RPL31: variants seen among roughly 807,000 people sequenced by gnomAD.
RPL31 encodes the protein large ribosomal subunit protein eL31.
For synonymous variants in RPL31, 51 were observed against 55.0 expected, an observed-to-expected ratio of 0.93 and a Z score of 0.32; for missense variants, 95 against 164.0, an observed-to-expected ratio of 0.58 and a Z score of 2.30.
chr2:101,012,627 A>C (rs201673463), intron 4 of RPL31, among the ~76,000 whole-genome samples: 2 of 75,232 alleles, frequency 2.7e-5, no homozygotes, highest in African/African-American at 4.4e-5. Context: ...TGAATATACA[A>C]AAAAAAAAAA....
intron 3 of RPL31, chr2:101,004,585 T>A: frequency 2.5e-6 from 1 of 404,108 alleles, no homozygotes; most frequent in Non-Finnish European, 4.4e-6. Context: ...GTGGAATAAA[T>A]CACTGTGAGC....
At chr2:101,013,360 T>C (rs956571688) in intron 4 of RPL31, among the ~76,000 whole-genome samples, 3 of 152,230 alleles carry the variant, frequency 2.0e-5, no homozygotes, top group African/African-American at 7.2e-5. Flanking sequence ...ATCCTTTCAA[T>C]CTTTTTACAT....
chr2:101,018,364 T>G (rs966577665), intron 4 of RPL31: 1 of 157,892 alleles, frequency 6.3e-6, no homozygotes, highest in African/African-American at 2.4e-5. Context: ...TAAGTGCTTT[T>G]TTTTAAAAAG....
intron 1 of RPL31, 185 bp from the exon 2 acceptor site, chr2:101,002,517 T>A: frequency 3.2e-6 from 2 of 616,840 alleles, no homozygotes. Context: ...CGGCAGGGAT[T>A]TCCGGGTCGG....
intron 4 of RPL31, among the ~76,000 whole-genome samples, chr2:101,012,519 GAA>G (rs1182936136): frequency 1.3e-5 from 2 of 151,970 alleles, no homozygotes; most frequent in Non-Finnish European, 2.9e-5. Context: ...TACGGCTGGG[GAA>G]AATGGATACA....
downstream of RPL31, chr2:101,007,551 ACAG>A (rs1678819036): frequency 4.6e-6 from 2 of 432,408 alleles, no homozygotes; most frequent in Non-Finnish European, 8.3e-6. Flanking sequence ...CACTAGCATC[ACAG>A]CAGAAGTGCC....
chr2:101,003,741 A>G (rs1291285393), intron 2 of RPL31, among the ~76,000 whole-genome samples: 1 of 152,260 alleles, frequency 6.6e-6, no homozygotes, highest in Non-Finnish European at 1.5e-5. Flanking sequence ...CTCTTTAAGC[A>G]TAGATGAAGT....
exon 5 of RPL31, chr2:101,019,178 T>C: frequency 1.7e-6 from 2 of 1,176,572 alleles, no homozygotes; most frequent in Admixed American, 2.4e-5. Context: ...AGGCCTGTTC[T>C]ACACGGCCGG....
chr2:101,012,540 G>A (rs1409843722), intron 4 of RPL31, among the ~76,000 whole-genome samples: 2 of 152,084 alleles, frequency 1.3e-5, no homozygotes, highest in South Asian at 2.1e-4. Context: ...CACTGGTAGT[G>A]AGAGCTAAAG....
exon 5 of RPL31, chr2:101,019,077 G>T: frequency 6.3e-7 from 1 of 1,591,460 alleles, no homozygotes; most frequent in Non-Finnish European, 8.6e-7. Context: ...CTTGGGTCTC[G>T]GCTCTTCATT....
downstream of RPL31, chr2:101,008,048 T>G: frequency 6.2e-7 from 1 of 1,613,880 alleles, no homozygotes; most frequent in Non-Finnish European, 8.5e-7. Context: ...TCCTGGGGCG[T>G]CTTCCCAGTG....
rs1437729544 is a variant in RPL31 at position 101,006,559 on chromosome 2, A to G, written c.*178A>G. 1.8e-6 allele frequency: 1 copy of G among 566,432 alleles called. No homozygotes were observed. The allele number at this position is 566,432 out of a possible 1,614,324, so 35.1% of individuals were successfully genotyped here. ...TCCCCTGGGGTTTTAAAGTGATTTC[A>G]AACTGCAACCTAGTTTTAGAACCAC... On this transcript the variant is annotated 3_prime_UTR_variant, in exon 5 of 5. Transcript: ENST00000264258.
At chr2:101,009,606 T>A (rs1391829390), downstream of RPL31, among the ~76,000 whole-genome samples, 4 of 152,032 alleles carry the variant, frequency 2.6e-5, no homozygotes, top group Non-Finnish European at 5.9e-5. Flanking sequence ...GTTTAACTCA[T>A]TTTGATCATA....
chr2:101,006,179 C>A, intron 4 of RPL31, 108 bp downstream of exon 4: 1 of 1,515,876 alleles, frequency 6.6e-7, no homozygotes, highest in Non-Finnish European at 8.8e-7. Context: ...TCATTGTACC[C>A]TTTTTAAATT....
intron 1 of RPL31, 147 bp from the exon 2 acceptor site, chr2:101,002,555 G>A (rs1253348761): frequency 3.0e-6 from 2 of 659,812 alleles, no homozygotes; most frequent in African/African-American, 1.8e-5. Context: ...AGGGGCGCGG[G>A]TGCGTGGGCC....
chr2:101,011,868 T>G (rs1389047968), downstream of RPL31, among the ~76,000 whole-genome samples: 1 of 152,224 alleles, frequency 6.6e-6, no homozygotes, highest in South Asian at 2.1e-4. Flanking sequence ...AACTGAAATA[T>G]ATCCATGCAC....
chr2:101,017,966 T>C, intron 4 of RPL31: 2 of 1,546,198 alleles, frequency 1.3e-6, no homozygotes, highest in Non-Finnish European at 1.7e-6. Flanking sequence ...GAAAAGTCAT[T>C]ATAGAGGATT....
downstream of RPL31, chr2:101,007,869 A>G (rs1004406911): frequency 6.2e-7 from 1 of 1,612,246 alleles, no homozygotes; most frequent in Non-Finnish European, 8.5e-7. Flanking sequence ...GGCTCATTTC[A>G]AAAGTTTTGA....
intron 4 of RPL31, chr2:101,018,023 C>A: frequency 7.9e-7 from 1 of 1,270,538 alleles, no homozygotes; most frequent in Non-Finnish European, 1.1e-6. Context: ...TGTGCTCATT[C>A]TACATATCAA....
Sources: allele counts gnomAD v4.1 joint callset (sites outside exome capture counted in the v4.1 genomes callset), GRCh38; gene constraint gnomAD v4.1.1; transcripts MANE v1.5; gene names NCBI Gene and HGNC (gene_info 2026-07-23, HGNC 2026-07-21).